Variants in OLFM1 observed in about 807,000 individuals in gnomAD.
OLFM1 encodes olfactomedin 1.
A neutral mutation model predicts 49.7 loss-of-function variants in OLFM1; 9 were observed. That is an observed-to-expected ratio of 0.18 (90% CI 0.11 to 0.32). The LOEUF (loss-of-function observed/expected upper bound fraction) is 0.32. OLFM1 is among the 10% of genes least tolerant of loss of function. The pLI is 1.00. For missense variants in OLFM1, 369 were observed against 661.8 expected (o/e 0.56, Z 4.85); for synonymous variants, 240 against 271.8 (o/e 0.88, Z 1.15).
rs2119097547 is a variant in OLFM1 at position 135,087,994 on chromosome 9, C to T, written c.5C>T (p.Ser2Leu). ...CTGGAGGCAGCTCGAGGCGCGATGT[C>T]GGTGCCGCTGCTCAAGATCGGGGTC... M[S>L]VPLLKIGVVL... Residue 2 changes from serine (S) to leucine (L), a missense_variant, in exon 1 of 6, where the codon TCG becomes TTG. By Grantham distance (145) the Ser-to-Leu change is moderately radical. Around this residue, in one of 3 missense-constraint regions of OLFM1, gnomAD observed 20 missense variants for 41.0 expected, o/e 0.49. Transcript: ENST00000371793. 2 of 1,448,006 alleles carry T rather than the reference C, an allele frequency of 1.4e-6. No individual in the cohort carries two copies. Among genetic ancestry groups the T allele is most frequent in the Non-Finnish European group, 1.8e-6 (2 of 1,091,076 alleles). The allele number at this position is 1,448,006 out of a possible 1,614,324, so 89.7% of individuals were successfully genotyped here.
intron 1 of OLFM1, chr9:135,076,328 A>G (rs1214195848): frequency 6.5e-7 from 1 of 1,549,722 alleles, no homozygotes; most frequent in East Asian, 2.4e-5. Flanking sequence ...CGTGCCGGCC[A>G]GCTGTGTGCA....
intron 3 of OLFM1, among the ~76,000 whole-genome samples, chr9:135,096,323 CT>C (rs888506722): frequency 2.0e-4 from 29 of 144,334 alleles, no homozygotes; most frequent in Admixed American, 1.9e-3. Flanking sequence ...CCCTCTCCTT[CT>C]TCTCCTCCTC....
rs995488041 is a variant in OLFM1, at chr9:135,087,834, GGGCGGCGGC to G, written c.-147_-139del. ...GGCGCGGCGATGGCCGGGGCGCGCGGGGCGGCGGCGGCGGCGGGCGGGCGGCGGCGGGCC... is the reference window on the plus strand; with the variant it reads ...GGCGCGGCGATGGCCGGGGCGCGCGGGGCGGCGGGCGGGCGGCGGCGGGCC... On this transcript the variant is annotated 5_prime_UTR_variant, in exon 1 of 6. Coordinates refer to ENST00000371793, the MANE Select transcript of OLFM1 (RefSeq NM_001282611.2). 1.1e-6 allele frequency: 1 copy of G among 923,888 alleles called. No individual in the cohort carries two copies. Among genetic ancestry groups the G allele is most frequent in the Non-Finnish European group, 1.3e-6 (1 of 776,514 alleles). The allele number at this position is 923,888 out of a possible 1,614,324, so 57.2% of individuals were successfully genotyped here.
rs1443675332 is a variant in OLFM1, at chr9:135,120,709, A to G, written c.*531A>G. 6.2e-6 allele frequency: 1 copy of G among 162,292 alleles called. No individual in the cohort carries two copies. Among genetic ancestry groups the G allele is most frequent in the Non-Finnish European group, 1.3e-5 (1 of 74,326 alleles). 10.1% of individuals were successfully genotyped at this position (162,292 alleles called of 1,614,324 possible). ...CCACATAGCTCCTGGACCTGTGTCT[A>G]GTACATACTGAAGCGATGGTCAGAG... On this transcript the variant is annotated 3_prime_UTR_variant, in exon 6 of 6. Transcript: ENST00000371793.
Position 135,112,240 on chromosome 9 carries a change from C to G in OLFM1, c.783+5385C>G, listed in dbSNP as rs111542636. Among the ~76,000 whole-genome samples, 66 of 152,342 alleles carry G rather than the reference C, an allele frequency of 4.3e-4. 1 individual carries two copies. Among genetic ancestry groups the G allele is most frequent in the African/African-American group, 1.4e-3 (60 of 41,584 alleles). ...AAAGGGCTCCATGGAAAGACGGCAC[C>G]AGGGGCCACCCGCCCTGTGGGGCTC... On this transcript the variant is annotated intron_variant, in intron 5 of 5. Coordinates refer to ENST00000371793, the MANE Select transcript of OLFM1 (RefSeq NM_001282611.2).
At chr9:135,097,719 T>C in intron 3 of OLFM1, 1 of 1,338,510 alleles carries the variant, frequency 7.5e-7, no homozygotes, top group Non-Finnish European at 1.1e-6. Flanking sequence ...TCCTGATGGC[T>C]GTCTGTTTCA....
At position 135,088,862 on chromosome 9, in the gene OLFM1, C is replaced by T. The variant is rs1313034231; in HGVS notation, c.150+723C>T. ...CCCTCCTGGCCTCTGAAATTGAAATCGCGTCTCCCTCTCGAGCCTAGCGGG... is the reference window on the plus strand; with the variant it reads ...CCCTCCTGGCCTCTGAAATTGAAATTGCGTCTCCCTCTCGAGCCTAGCGGG... On this transcript the variant is annotated intron_variant, in intron 1 of 5. Transcript: ENST00000371793. This position sits in a 1 kb window ranked among gnomAD's most constrained non-coding sequence, Gnocchi z 4.8. Among the ~76,000 whole-genome samples, 2 of 152,184 alleles carry T rather than the reference C, an allele frequency of 1.3e-5. No homozygotes were observed. Among genetic ancestry groups the T allele is most frequent in the African/African-American group, 4.8e-5 (2 of 41,456 alleles).
At chr9:135,119,065 G>A (rs1831145853) in intron 5 of OLFM1, among the ~76,000 whole-genome samples, 2 of 151,360 alleles carry the variant, frequency 1.3e-5, no homozygotes, top group South Asian at 4.2e-4. Flanking sequence ...TGGATCTTTG[G>A]AAGTGCTCAC....
intron 2 of OLFM1, among the ~76,000 whole-genome samples, chr9:135,095,530 A>AG (rs1554753300): frequency 7.4e-4 from 101 of 137,278 alleles, no homozygotes; most frequent in South Asian, 1.2e-3. Context: ...AAAAAAAAAA[A>AG]AGAGAGAGAG....
chr9:135,095,681 T>C (rs978271095), intron 2 of OLFM1, among the ~76,000 whole-genome samples, 183 bp from the exon 3 acceptor site: 1 of 152,050 alleles, frequency 6.6e-6, no homozygotes, highest in African/African-American at 2.4e-5. Context: ...TTTGCTGTGT[T>C]TGGGGAGTTA....
chr9:135,101,859 A>G (rs1287883494), intron 4 of OLFM1, among the ~76,000 whole-genome samples: 3 of 152,210 alleles, frequency 2.0e-5, no homozygotes, highest in Admixed American at 6.5e-5. Flanking sequence ...GGTCCTCTCT[A>G]TAAATGAGGG....
At chr9:135,104,094 G>A (rs1830906095) in intron 4 of OLFM1, among the ~76,000 whole-genome samples, 1 of 152,242 alleles carries the variant, frequency 6.6e-6, no homozygotes, top group Admixed American at 6.5e-5. Flanking sequence ...GTAAGACCCA[G>A]ACATTCCTTG....
chr9:135,094,000 A>G (rs1830750153), intron 2 of OLFM1, among the ~76,000 whole-genome samples: 1 of 152,188 alleles, frequency 6.6e-6, no homozygotes, highest in East Asian at 1.9e-4. Flanking sequence ...CTGGGGAGCA[A>G]AAAGCCTACA....
Position 135,088,354 on chromosome 9 carries a change from C to T in OLFM1, c.150+215C>T, listed in dbSNP as rs1830630871. ...CCCAGCCTGGGCCACTCCATCTCCG[C>T]CCGCGCGCCCCTGGGGCGGCGTTTC... is the stretch of plus-strand genomic sequence containing the variant. On this transcript the variant is annotated intron_variant, in intron 1 of 5. Coordinates refer to ENST00000371793, the MANE Select transcript of OLFM1 (RefSeq NM_001282611.2). The surrounding 1 kb of genome is among the most constrained non-coding windows in gnomAD (Gnocchi z 4.8). Among the ~76,000 whole-genome samples the T allele has an allele frequency of 6.6e-6, 1 of 151,740 alleles. No homozygotes were observed. Among genetic ancestry groups the T allele is most frequent in the African/African-American group, 2.4e-5 (1 of 41,356 alleles).
At chr9:135,111,871 G>A (rs185523208) in intron 5 of OLFM1, among the ~76,000 whole-genome samples, 281 of 138,056 alleles carry the variant, frequency 2.0e-3, no homozygotes, top group African/African-American at 5.8e-3. Context: ...CATCACTTCC[G>A]GCTATTTTTT....
intron 5 of OLFM1, among the ~76,000 whole-genome samples, chr9:135,110,116 C>T (rs1831001976): frequency 1.3e-5 from 2 of 152,182 alleles, no homozygotes; most frequent in Non-Finnish European, 2.9e-5. Flanking sequence ...CCCATTGCCT[C>T]AGTGTTGGAG....
chr9:135,110,710 C>T (rs1831009492), intron 5 of OLFM1, among the ~76,000 whole-genome samples: 1 of 152,210 alleles, frequency 6.6e-6, no homozygotes, highest in Non-Finnish European at 1.5e-5. Flanking sequence ...CCCCTTCAGC[C>T]TTCACTCCCC....
At chr9:135,110,900 C>G (rs1232944795) in intron 5 of OLFM1, among the ~76,000 whole-genome samples, 1 of 152,248 alleles carries the variant, frequency 6.6e-6, no homozygotes, top group Non-Finnish European at 1.5e-5. Flanking sequence ...AGCGCGGGCC[C>G]AAGTCCCTAC....
chr9:135,109,473 G>A (rs949967816), intron 5 of OLFM1, among the ~76,000 whole-genome samples: 1 of 152,140 alleles, frequency 6.6e-6, no homozygotes, highest in Non-Finnish European at 1.5e-5. Context: ...GGGATCCCTG[G>A]CAAGGGGGTG....
Sources: allele counts gnomAD v4.1 joint callset (sites outside exome capture counted in the v4.1 genomes callset), GRCh38; gene constraint gnomAD v4.1.1; regional missense constraint gnomAD v4.1.1; non-coding constraint Gnocchi (gnomAD v3.1); transcripts MANE v1.5; gene names NCBI Gene and HGNC (gene_info 2026-07-23, HGNC 2026-07-21).